The following PNLIP variants were observed in gnomAD, a reference collection of about 807,000 sequenced individuals.
PNLIP encodes the protein pancreatic lipase.
Under a neutral mutation model 57.1 loss-of-function variants are expected in PNLIP, and 49 were observed. The ratio of observed to expected loss-of-function variants is 0.86; its 90% CI spans 0.68 to 1.09. PNLIP has a LOEUF of 1.09. PNLIP is among the 50% of genes least tolerant of loss of function. The probability of loss-of-function intolerance (pLI) is 0.00; values close to 1 mark genes in which losing one functional copy is unlikely to be tolerated. For missense variants in PNLIP, 503 were observed against 570.2 expected (o/e 0.88, Z 1.20); for synonymous variants, 209 against 200.4 (o/e 1.04, Z -0.36).
chr10:116,553,197 C>T (rs1387098906), intron 5 of PNLIP, among the ~76,000 whole-genome samples: 2 of 152,186 alleles, frequency 1.3e-5, no homozygotes, highest in Non-Finnish European at 2.9e-5. Flanking sequence ...CTTCCGTCTC[C>T]CGGGTTCAAG....
chr10:116,550,119 C>A lies in PNLIP; in HGVS notation c.325-979C>A, dbSNP rs540797674. On this transcript the variant is annotated intron_variant, in intron 4 of 12. Transcript: ENST00000369221. ...TGTCCCCCCGGCTAGAGTGCAGTGGCGCGATCTTGGCTCACTGCAAGCTCC... is the reference window on the plus strand; with the variant it reads ...TGTCCCCCCGGCTAGAGTGCAGTGGAGCGATCTTGGCTCACTGCAAGCTCC... Among the ~76,000 whole-genome samples the A allele has an allele frequency of 5.2e-5, 7 of 134,690 alleles. No homozygotes were observed. The East Asian group carries it at 1.6e-3, about 30-fold the overall frequency. 88.4% of individuals were successfully genotyped at this position (134,690 alleles called of 152,430 possible). A position where few individuals can be genotyped will look rare whatever the true frequency, so the allele number is the denominator to read the frequency against.
At chr10:116,563,634 A>G (rs1367134326) in intron 12 of PNLIP, among the ~76,000 whole-genome samples, 1 of 152,180 alleles carries the variant, frequency 6.6e-6, no homozygotes, top group Non-Finnish European at 1.5e-5. Context: ...CAGTGAGAAC[A>G]TACGATGTTT....
At chr10:116,559,621 A>G (rs190316969) in intron 10 of PNLIP, among the ~76,000 whole-genome samples, 1 of 152,302 alleles carries the variant, frequency 6.6e-6, no homozygotes, top group African/African-American at 2.4e-5. Context: ...AAAGTAATCT[A>G]GGAGAGAGAG....
At position 116,548,080 on chromosome 10, in the gene PNLIP, C is replaced by T. The variant is rs868083500; in HGVS notation, c.202-280C>T. Among the ~76,000 whole-genome samples, 7 of 151,414 alleles carry T rather than the reference C, an allele frequency of 4.6e-5. No individual in the cohort carries two copies. The South Asian group carries it at 1.5e-3, about 32-fold the overall frequency. Reference sequence around the variant, plus strand: ...AGACATATAAAAATACACACACGCACACACACACACACAAAGCCTTCCATT... The same window carrying T: ...AGACATATAAAAATACACACACGCATACACACACACACAAAGCCTTCCATT... On this transcript the variant is annotated intron_variant, in intron 3 of 12. Coordinates refer to ENST00000369221, the MANE Select transcript of PNLIP (RefSeq NM_000936.4).
At chr10:116,557,497 G>A (rs1211474299) in intron 9 of PNLIP, among the ~76,000 whole-genome samples, 2 of 152,150 alleles carry the variant, frequency 1.3e-5, no homozygotes, top group African/African-American at 4.8e-5. Context: ...CTGGGTAATA[G>A]CCTTGCCTGT....
rs111877685 is a variant in PNLIP at position 116,547,970 on chromosome 10, T to A, written c.202-390T>A. Among the ~76,000 whole-genome samples the A allele has an allele frequency of 3.7e-3, 557 of 152,154 alleles. 4 individuals carry two copies. The highest frequency in any genetic ancestry group is 0.013 in the African/African-American group (529 of 41,532). The stretch of plus-strand genomic sequence containing the variant: ...TAAATATTGTAAATGTAGGGCTATA[T>A]TTATACATATAAAGTATATAAACAT... On this transcript the variant is annotated intron_variant, in intron 3 of 12. Coordinates refer to ENST00000369221, the MANE Select transcript of PNLIP (RefSeq NM_000936.4).
In PNLIP at chr10:116,561,478, T is replaced by C. The variant is rs1455044475; in HGVS notation, c.1176T>C (p.Thr392=). The C allele has an allele frequency of 6.2e-7, 1 of 1,611,844 alleles. No individual in the cohort carries two copies. ...NSKQYEIFKG[T]LKPDSTHSNE... ...TAACTTCTTAAATCCTTAGGGGCACTCTCAAACCAGATAGTACTCATTCCA... is the reference window on the plus strand; with the variant it reads ...TAACTTCTTAAATCCTTAGGGGCACCCTCAAACCAGATAGTACTCATTCCA... Residue 392 remains threonine, a synonymous_variant, in exon 12 of 13, where the codon ACT becomes ACC. Transcript: ENST00000369221.
chr10:116,547,157 G>C lies in PNLIP; in HGVS notation c.47-137G>C, dbSNP rs1165857220. ...GTGTTGTCTTTTGAAGCTGTTTTGT[G>C]AGTGTGTGGCTAGGAGGGTGTTGAG... On this transcript the variant is annotated intron_variant, in intron 2 of 12. Coordinates refer to ENST00000369221, the MANE Select transcript of PNLIP (RefSeq NM_000936.4). The C allele has an allele frequency of 4.0e-6, 3 of 753,564 alleles. No individual in the cohort carries two copies. The East Asian group carries it at 7.6e-5, about 19-fold the overall frequency. The allele number at this position is 753,564 out of a possible 1,614,324, so 46.7% of individuals were successfully genotyped here.
chr10:116,552,624 C>T (rs187023321), intron 5 of PNLIP, among the ~76,000 whole-genome samples: 7 of 152,282 alleles, frequency 4.6e-5, no homozygotes, highest in East Asian at 1.9e-4. Flanking sequence ...CGGTGGCTCA[C>T]GCCTGTAATC....
At chr10:116,548,106 G>T (rs998887140) in intron 3 of PNLIP, among the ~76,000 whole-genome samples, 2 of 151,622 alleles carry the variant, frequency 1.3e-5, no homozygotes, top group Non-Finnish European at 2.9e-5. Flanking sequence ...GCCTTCCATT[G>T]TATGAAGAAA....
At chr10:116,564,741 C>A (rs1272411963) in intron 12 of PNLIP, among the ~76,000 whole-genome samples, 1 of 151,824 alleles carries the variant, frequency 6.6e-6, no homozygotes, top group African/African-American at 2.4e-5. Context: ...ACATAAAAGG[C>A]AGGAGGGGAG....
intron 3 of PNLIP, 137 bp downstream of exon 3, chr10:116,547,585 G>A (rs767143518): frequency 2.1e-4 from 142 of 678,024 alleles, no homozygotes; most frequent in Non-Finnish European, 3.1e-4. Flanking sequence ...AATTAGCCAG[G>A]CGTGGTGGCA....
intron 4 of PNLIP, among the ~76,000 whole-genome samples, chr10:116,549,782 T>C (rs1847170942): frequency 6.6e-6 from 1 of 152,228 alleles, no homozygotes; most frequent in South Asian, 2.1e-4. Flanking sequence ...ACCTTTGATA[T>C]GGCTATGCAA....
chr10:116,550,984 T>C (rs1234317399), intron 4 of PNLIP, 114 bp from the exon 5 acceptor site: 3 of 832,962 alleles, frequency 3.6e-6, no homozygotes, highest in Non-Finnish European at 5.3e-6. Context: ...GCATTAGGGT[T>C]AAAATGACAT....
rs867290378 is a variant in PNLIP at position 116,560,407 on chromosome 10, C to T, written c.1061-9C>T. ...CAAACTGACATTTTGCAATTTTTCTCCCTTGCAGGTTGGAGGTATAAGGTA... is the reference window on the plus strand; with the variant it reads ...CAAACTGACATTTTGCAATTTTTCTTCCTTGCAGGTTGGAGGTATAAGGTA... On this transcript the variant is annotated splice_polypyrimidine_tract_variant and intron_variant, in intron 10 of 12. Transcript: ENST00000369221. 1.3e-6 allele frequency: 2 copies of T among 1,503,494 alleles called. No individual in the cohort carries two copies. The highest frequency in any genetic ancestry group is 2.3e-5 in the East Asian group (1 of 44,120). The allele number at this position is 1,503,494 out of a possible 1,614,324, so 93.1% of individuals were successfully genotyped here.
At chr10:116,564,393 G>A (rs1847343988) in intron 12 of PNLIP, among the ~76,000 whole-genome samples, 1 of 152,150 alleles carries the variant, frequency 6.6e-6, no homozygotes, top group African/African-American at 2.4e-5. Context: ...ACATCTTAGA[G>A]TATGGAAAGG....
intron 12 of PNLIP, 60 bp from the exon 13 acceptor site, chr10:116,567,675 G>A (rs978838226): frequency 6.3e-6 from 9 of 1,417,378 alleles, no homozygotes; most frequent in Non-Finnish European, 9.0e-6. Flanking sequence ...TGTCCTCACT[G>A]TCACACTCCA....
chr10:116,553,989 A>G, intron 6 of PNLIP, 151 bp downstream of exon 6: 3 of 517,244 alleles, frequency 5.8e-6, no homozygotes, highest in Non-Finnish European at 1.0e-5. Context: ...CTTAGACTAA[A>G]TGCAGCCTGT....
chr10:116,566,872 CT>C (rs1291900805), intron 12 of PNLIP, among the ~76,000 whole-genome samples: 1 of 152,120 alleles, frequency 6.6e-6, no homozygotes, highest in African/African-American at 2.4e-5. Flanking sequence ...TTTCTGAGCA[CT>C]TTTTTTCTGT....
Sources: gnomAD v4.1 joint callset for allele counts (sites outside exome capture counted in the v4.1 genomes callset) on GRCh38, gnomAD v4.1.1 for gene constraint, MANE v1.5 for transcripts, NCBI Gene and HGNC (gene_info 2026-07-23, HGNC 2026-07-21) for gene names.